Variants in ST8SIA1 observed in about 807,000 individuals in gnomAD.
ST8SIA1 encodes the protein ST8 alpha-N-acetyl-neuraminide alpha-2,8-sialyltransferase 1.
A neutral mutation model predicts 35.9 loss-of-function variants in ST8SIA1; 16 were observed. The ratio of observed to expected loss-of-function variants is 0.45; its 90% CI spans 0.30 to 0.68. ST8SIA1 has a LOEUF of 0.68. Ranked by LOEUF, ST8SIA1 falls within the 30% of genes least tolerant of loss-of-function variation. ST8SIA1 has a pLI of 0.09. For missense variants in ST8SIA1, 383 were observed against 453.6 expected, an observed-to-expected ratio of 0.84 and a Z score of 1.41; for synonymous variants, 170 against 169.6, an observed-to-expected ratio of 1.00 and a Z score of -0.02.
rs1219204982 is a variant in ST8SIA1 at position 22,333,303 on chromosome 12, T to A, written c.236+694A>T. Among the ~76,000 whole-genome samples the A allele has an allele frequency of 3.3e-5, 5 of 152,232 alleles. No individual in the cohort carries two copies. In the East Asian group the frequency reaches 7.7e-4, roughly 23 times the overall value. On this transcript the variant is annotated intron_variant, in intron 1 of 4. Transcript: ENST00000396037. ...AAAAGAGCTGGGAGCTTTGGAGCTTTAAGTGATGAAAAATCCAGCACCCAC... is the reference window on the plus strand; with the variant it reads ...AAAAGAGCTGGGAGCTTTGGAGCTTAAAGTGATGAAAAATCCAGCACCCAC...
At chr12:22,322,381 G>A (rs986777236) in intron 1 of ST8SIA1, among the ~76,000 whole-genome samples, 9 of 152,288 alleles carry the variant, frequency 5.9e-5, no homozygotes, top group African/African-American at 1.4e-4. Context: ...AGAAGGCATC[G>A]AATATATATT....
intron 1 of ST8SIA1, among the ~76,000 whole-genome samples, chr12:22,320,926 GAAGA>G (rs138532412): frequency 0.088 from 6,205 of 70,740 alleles, 446 homozygotes; most frequent in East Asian, 0.19. Context: ...GGAAAGAAAG[GAAGA>G]AAGAAAGAAA....
chr12:22,236,300 C>T (rs1197899551), intron 4 of ST8SIA1, among the ~76,000 whole-genome samples: 1 of 152,170 alleles, frequency 6.6e-6, no homozygotes, highest in East Asian at 1.9e-4. Context: ...ATACAGACAG[C>T]ACACCTTCAA....
rs1865019027 is a variant in ST8SIA1, at chr12:22,198,856, C to A, written c.*2696G>T. On this transcript the variant is annotated 3_prime_UTR_variant, in exon 5 of 5. Transcript: ENST00000396037. ...TGCATTGTAAGATCTTTAGCAGGAT[C>A]CCTAACCTCTACTAAGTACATGCTA... 1 of 152,060 alleles carries A rather than the reference C, an allele frequency of 6.6e-6. No homozygotes were observed. Among genetic ancestry groups the A allele is most frequent in the Non-Finnish European group, 1.5e-5 (1 of 68,022 alleles). 9.4% of individuals were successfully genotyped at this position (152,060 alleles called of 1,614,324 possible). A position where few individuals can be genotyped will look rare whatever the true frequency, so the allele number is the denominator to read the frequency against.
chr12:22,216,924 T>G (rs569997303), intron 4 of ST8SIA1, among the ~76,000 whole-genome samples: 1 of 152,352 alleles, frequency 6.6e-6, no homozygotes. Flanking sequence ...TTCACATTTG[T>G]CATGCAACAT....
At chr12:22,278,832 G>A (rs1397304678) in intron 2 of ST8SIA1, among the ~76,000 whole-genome samples, 1 of 152,092 alleles carries the variant, frequency 6.6e-6, no homozygotes, top group African/African-American at 2.4e-5. Context: ...AGTATAAAAT[G>A]TTGTCTTACC....
chr12:22,237,803 T>C (rs1038767103), intron 4 of ST8SIA1, among the ~76,000 whole-genome samples: 1 of 152,110 alleles, frequency 6.6e-6, no homozygotes, highest in Non-Finnish European at 1.5e-5. Context: ...AAGTCTATTT[T>C]AAAATAATTA....
chr12:22,321,215 G>A (rs1220290689), intron 1 of ST8SIA1, among the ~76,000 whole-genome samples: 1 of 152,180 alleles, frequency 6.6e-6, no homozygotes, highest in Non-Finnish European at 1.5e-5. Flanking sequence ...GTGAGGCTGA[G>A]AGGGGTGGGA....
At chr12:22,279,312 C>T (rs1488470772) in intron 2 of ST8SIA1, among the ~76,000 whole-genome samples, 2 of 152,298 alleles carry the variant, frequency 1.3e-5, no homozygotes, top group Non-Finnish European at 2.9e-5. Flanking sequence ...AATTTCAAAA[C>T]ATAACCCCAG....
intron 2 of ST8SIA1, among the ~76,000 whole-genome samples, chr12:22,260,518 T>A (rs1259462996): frequency 6.6e-6 from 1 of 152,178 alleles, no homozygotes; most frequent in East Asian, 1.9e-4. Context: ...TCCAGAGTTT[T>A]TTATCTGTAA....
At chr12:22,280,904 A>G (rs1866025948) in intron 2 of ST8SIA1, among the ~76,000 whole-genome samples, 2 of 152,220 alleles carry the variant, frequency 1.3e-5, no homozygotes. Context: ...TTAATGATTT[A>G]TTTCACCTTG....
chr12:22,236,608 C>T (rs1313374910), intron 4 of ST8SIA1, among the ~76,000 whole-genome samples: 2 of 152,192 alleles, frequency 1.3e-5, no homozygotes, highest in Non-Finnish European at 2.9e-5. Flanking sequence ...AGATTCTCCA[C>T]CTCGTACCCT....
At chr12:22,263,359 ATTC>A (rs1865813547) in intron 2 of ST8SIA1, among the ~76,000 whole-genome samples, 3 of 152,118 alleles carry the variant, frequency 2.0e-5, no homozygotes, top group Non-Finnish European at 2.9e-5. Context: ...GCTTGTGATC[ATTC>A]TTCTCCTGGC....
rs766191831 is a variant in ST8SIA1 at position 22,201,638 on chromosome 12, G to A, written c.985C>T (p.Leu329Phe). ...SGFHAMPEEF[L>F]QLWYLHKIGA... ...ATTTTATGAAGATACCAGAGTTGGA[G>A]AAATTCCTCGGGCATGGCATGGAAG... The change falls in exon 5 of 5, where the codon CTC becomes TTC. Residue 329 changes from leucine to phenylalanine, a missense_variant. Leu to Phe is a conservative substitution (Grantham distance 22). Coordinates refer to ENST00000396037, the MANE Select transcript of ST8SIA1 (RefSeq NM_003034.4). The A allele has an allele frequency of 6.2e-7, 1 of 1,614,124 alleles. No individual in the cohort carries two copies. Among genetic ancestry groups the A allele is most frequent in the Non-Finnish European group, 8.5e-7 (1 of 1,179,990 alleles).
intron 2 of ST8SIA1, among the ~76,000 whole-genome samples, chr12:22,264,754 C>T (rs182915420): frequency 5.9e-5 from 9 of 152,238 alleles, no homozygotes; most frequent in Admixed American, 4.6e-4. Context: ...TTTCCTACCA[C>T]TCAAGGACTT....
chr12:22,214,616 T>A (rs1322084898), intron 4 of ST8SIA1, among the ~76,000 whole-genome samples: 1 of 152,128 alleles, frequency 6.6e-6, no homozygotes, highest in Admixed American at 6.5e-5. Flanking sequence ...TCAAAACTTA[T>A]TCAAAATTCC....
At chr12:22,227,942 C>T (rs759004545) in intron 4 of ST8SIA1, among the ~76,000 whole-genome samples, 1 of 152,176 alleles carries the variant, frequency 6.6e-6, no homozygotes, top group South Asian at 2.1e-4. Context: ...GAATTTAATT[C>T]TTCCTTTAGT....
At position 22,200,346 on chromosome 12, in the gene ST8SIA1, C is replaced by T. The variant is rs549465502; in HGVS notation, c.*1206G>A. The stretch of plus-strand genomic sequence containing the variant: ...CACTGGTTACAAATTTTTGCCATAC[C>T]AGGTCATATGAGTTCAGCTTTCATA... On this transcript the variant is annotated 3_prime_UTR_variant, in exon 5 of 5. Transcript: ENST00000396037. 1.3e-5 allele frequency: 2 copies of T among 152,202 alleles called. No homozygotes were observed. The highest frequency in any genetic ancestry group is 2.1e-4 in the South Asian group (1 of 4,824). 9.4% of individuals were successfully genotyped at this position (152,202 alleles called of 1,614,324 possible). A position where few individuals can be genotyped will look rare whatever the true frequency, so the allele number is the denominator to read the frequency against.
chr12:22,291,112 C>T (rs577183378), intron 1 of ST8SIA1, among the ~76,000 whole-genome samples: 1 of 152,234 alleles, frequency 6.6e-6, no homozygotes, highest in African/African-American at 2.4e-5. Context: ...GGTTCTTATC[C>T]CTCCTAATGG....
Sources: allele counts gnomAD v4.1 joint callset (sites outside exome capture counted in the v4.1 genomes callset), GRCh38; gene constraint gnomAD v4.1.1; transcripts MANE v1.5; gene names NCBI Gene and HGNC (gene_info 2026-07-23, HGNC 2026-07-21).